COG7: variants seen among roughly 807,000 people sequenced by gnomAD.
The protein encoded by COG7 is conserved oligomeric Golgi complex subunit 7.
A neutral mutation model predicts 91.5 loss-of-function variants in COG7; 49 were observed. That is an observed-to-expected ratio of 0.54 (90% CI 0.43 to 0.68). The LOEUF is 0.68. COG7 is among the 30% of genes least tolerant of loss of function. COG7 has a pLI of 0.00. For missense variants in COG7, 895 were observed against 961.3 expected, an observed-to-expected ratio of 0.93 and a Z score of 0.91; for synonymous variants, 365 against 388.7, an observed-to-expected ratio of 0.94 and a Z score of 0.72.
At chr16:23,404,240 C>G (rs1963423521) in intron 12 of COG7, among the ~76,000 whole-genome samples, 1 of 152,222 alleles carries the variant, frequency 6.6e-6, no homozygotes, top group Admixed American at 6.5e-5. Flanking sequence ...GGACAGAGCC[C>G]TAATTCCCGG....
At chr16:23,435,818 G>A (rs1038073685) in intron 4 of COG7, among the ~76,000 whole-genome samples, 3 of 152,370 alleles carry the variant, frequency 2.0e-5, no homozygotes, top group South Asian at 2.1e-4. Flanking sequence ...AAGCGCTGGA[G>A]ACCTGCCAGT....
At chr16:23,413,113 A>T (rs930886761) in intron 10 of COG7, 4 of 322,928 alleles carry the variant, frequency 1.2e-5, no homozygotes, top group African/African-American at 2.2e-5. Flanking sequence ...CTAATACATA[A>T]GCCCTAAGTT....
chr16:23,401,588 G>A (rs1963378212), intron 13 of COG7, among the ~76,000 whole-genome samples: 1 of 152,096 alleles, frequency 6.6e-6, no homozygotes, highest in East Asian at 1.9e-4. Flanking sequence ...ACAGGAGAGA[G>A]ACAAAGAAAG....
intron 5 of COG7, 124 bp downstream of exon 5, chr16:23,434,512 G>T: frequency 2.6e-6 from 2 of 780,476 alleles, no homozygotes; most frequent in Admixed American, 4.0e-5. Context: ...CTAACTAAGA[G>T]AAAAACAGCC....
In COG7 at chr16:23,388,988, G is replaced by T. The variant is rs373388710; in HGVS notation, c.2245C>A (p.Gln749Lys). Residue 749 changes from glutamine to lysine, a missense_variant, in exon 17 of 17, where the codon CAG becomes AAG. By Grantham distance (53) the Gln-to-Lys change is moderately conservative (BLOSUM62 1). Coordinates refer to ENST00000307149, the MANE Select transcript of COG7 (RefSeq NM_153603.4). The stretch of plus-strand genomic sequence containing the variant: ...CGACGGGGCAGGCCTTTGCTGACCT[G>T]TCTATAGTCCTCAGGCCTGGTCTTC... ...LLKTRPEDYRQVSKGLPRRLA... is the reference protein window; with the variant it reads ...LLKTRPEDYRKVSKGLPRRLA... 3.1e-6 allele frequency: 5 copies of T among 1,614,034 alleles called. No homozygotes were observed. In the African/African-American group the frequency reaches 5.3e-5, roughly 17 times the overall value.
rs140426557 is a variant in COG7 at position 23,439,129 on chromosome 16, G to C, written c.604+3348C>G. On this transcript the variant is annotated intron_variant, in intron 4 of 16. Coordinates refer to ENST00000307149, the MANE Select transcript of COG7 (RefSeq NM_153603.4). The stretch of plus-strand genomic sequence containing the variant: ...GCCGAGATCATGCCACTGCACTCCA[G>C]CCTGGACAACAGAGTTAAACTGTGT... Among the ~76,000 whole-genome samples, 865 of 140,504 alleles carry C rather than the reference G, an allele frequency of 6.2e-3. 11 individuals carry two copies. The highest frequency in any genetic ancestry group is 0.023 in the African/African-American group (831 of 36,900). 92.2% of individuals were successfully genotyped at this position (140,504 alleles called of 152,430 possible). A position where few individuals can be genotyped will look rare whatever the true frequency, so the allele number is the denominator to read the frequency against.
At chr16:23,402,410 A>G (rs1005988676) in intron 13 of COG7, among the ~76,000 whole-genome samples, 1 of 151,208 alleles carries the variant, frequency 6.6e-6, no homozygotes, top group African/African-American at 2.4e-5. Context: ...TACAATTTTT[A>G]TTTTAAAAAA....
chr16:23,395,669 G>C (rs1433138702), intron 14 of COG7, among the ~76,000 whole-genome samples: 1 of 152,142 alleles, frequency 6.6e-6, no homozygotes, highest in Non-Finnish European at 1.5e-5. Context: ...TCACAGTGCA[G>C]GTTTCTCTCA....
At chr16:23,425,780 G>A (rs1963835860) in intron 6 of COG7, among the ~76,000 whole-genome samples, 1 of 152,192 alleles carries the variant, frequency 6.6e-6, no homozygotes, top group Non-Finnish European at 1.5e-5. Flanking sequence ...AAAGTAAACT[G>A]GCAAGACTTG....
chr16:23,445,667 A>G (rs1964169455), intron 2 of COG7, 146 bp downstream of exon 2: 2 of 833,306 alleles, frequency 2.4e-6, no homozygotes, highest in Non-Finnish European at 4.1e-6. Context: ...TCAAAAAAAA[A>G]AGAGCATAGC....
intron 13 of COG7, among the ~76,000 whole-genome samples, chr16:23,403,033 C>T (rs766996800): frequency 7.2e-5 from 11 of 152,228 alleles, no homozygotes; most frequent in Non-Finnish European, 1.3e-4. Context: ...CAGTAAGATA[C>T]ATTAACCAGG....
At chr16:23,434,537 CA>C in intron 5 of COG7, 98 bp downstream of exon 5, 1 of 926,960 alleles carries the variant, frequency 1.1e-6, no homozygotes, top group South Asian at 1.4e-5. Context: ...GGCAAGGAGA[CA>C]AATGTTCTTA....
chr16:23,418,547 G>A (rs1446031090), intron 8 of COG7, among the ~76,000 whole-genome samples, 153 bp downstream of exon 8: 1 of 151,986 alleles, frequency 6.6e-6, no homozygotes, highest in African/African-American at 2.4e-5. Context: ...CAAATATATG[G>A]TCTCATTTTA....
chr16:23,409,354 A>G (rs1486427659), intron 11 of COG7, among the ~76,000 whole-genome samples: 2 of 152,118 alleles, frequency 1.3e-5, no homozygotes, highest in Non-Finnish European at 2.9e-5. Flanking sequence ...CCGAGTTGAA[A>G]TCTCATCTGA....
chr16:23,451,560 TTTTTTTTTAA>T (rs1964265783), intron 1 of COG7, among the ~76,000 whole-genome samples: 1 of 151,806 alleles, frequency 6.6e-6, no homozygotes, highest in African/African-American at 2.4e-5. Context: ...AAAAAAAATT[TTTTTTTTTAA>T]TTAGCCAGGC....
In COG7 at chr16:23,418,729, G is replaced by A. The variant is rs776014966; in HGVS notation, c.1108C>T (p.Leu370Phe). The A allele has an allele frequency of 3.7e-6, 6 of 1,613,424 alleles. No homozygotes were observed. The South Asian group carries it at 4.4e-5, about 12-fold the overall frequency. The change falls in exon 8 of 17, where the codon CTC (leucine) becomes TTC (phenylalanine). Residue 370 changes from leucine to phenylalanine, a missense_variant. Physicochemically the swap from Leu to Phe is conservative, Grantham distance 22 (BLOSUM62 0). Coordinates refer to ENST00000307149, the MANE Select transcript of COG7 (RefSeq NM_153603.4). ...LKYGDMEESN[L>F]LIQMSAVPLE... The stretch of plus-strand genomic sequence containing the variant: ...GGCACAGCACTCATCTGGATGAGGA[G>A]GTTGCTCTCTTCCATGTCGCCATAC...
At chr16:23,430,150 T>G (rs1023178034) in intron 6 of COG7, among the ~76,000 whole-genome samples, 1 of 152,194 alleles carries the variant, frequency 6.6e-6, no homozygotes. Context: ...CTGGGTGCAG[T>G]GGTTCACTCC....
chr16:23,409,857 C>T (rs538668055), intron 11 of COG7, among the ~76,000 whole-genome samples: 1 of 152,248 alleles, frequency 6.6e-6, no homozygotes, highest in South Asian at 2.1e-4. Flanking sequence ...AATTTGACTG[C>T]AGGACCCAGA....
intron 11 of COG7, among the ~76,000 whole-genome samples, chr16:23,407,763 G>C (rs1327777713): frequency 6.6e-6 from 1 of 152,106 alleles, no homozygotes; most frequent in Admixed American, 6.6e-5. Context: ...GGGTGACCCT[G>C]GCTTTAGTGA....
Sources: allele counts gnomAD v4.1 joint callset (sites outside exome capture counted in the v4.1 genomes callset), GRCh38; gene constraint gnomAD v4.1.1; transcripts MANE v1.5; gene names NCBI Gene and HGNC (gene_info 2026-07-23, HGNC 2026-07-21).